The following KCNK12 variants were observed in gnomAD, a reference collection of about 807,000 sequenced individuals.
KCNK12 encodes potassium channel subfamily K member 12.
A neutral mutation model predicts 25.3 loss-of-function variants in KCNK12; 6 were observed. That is an observed-to-expected ratio of 0.24 (90% CI 0.13 to 0.47). KCNK12 has a LOEUF of 0.47. Among genes scored for constraint, KCNK12 ranks in the 20% least tolerant of loss-of-function variants. The pLI is 0.99. For synonymous variants in KCNK12, 331 were observed against 311.1 expected (o/e 1.06, Z -0.67); for missense variants, 444 against 661.7 (o/e 0.67, Z 3.61).
At chr2:47,550,475 C>G (rs1237242) in intron 1 of KCNK12, among the ~76,000 whole-genome samples, 1 of 148,522 alleles carries the variant, frequency 6.7e-6, no homozygotes, top group South Asian at 2.1e-4. Context: ...CTCTGCCTCC[C>G]GGGTTCAAGT....
chr2:47,545,653 A>C (rs2104829526), intron 1 of KCNK12, among the ~76,000 whole-genome samples: 1 of 152,318 alleles, frequency 6.6e-6, no homozygotes, highest in Non-Finnish European at 1.5e-5. Context: ...AAAGCCATTG[A>C]GCCTCTTTTT....
At chr2:47,564,970 T>G (rs1337455491) in intron 1 of KCNK12, 1 of 150,986 alleles carries the variant, frequency 6.6e-6, no homozygotes, top group East Asian at 1.9e-4. Flanking sequence ...GAGTTTGACA[T>G]CAGCCTGGGC....
Position 47,570,250 on chromosome 2 carries a change from GGCAGCA to G in KCNK12, c.76_81del (p.Cys26_Cys27del), listed in dbSNP as rs772763752. On this transcript the variant is annotated inframe_deletion, in exon 1 of 2. Transcript: ENST00000327876. The stretch of plus-strand genomic sequence containing the variant: ...GTGTCCTCGTTGAGGTGCGAACGGC[GGCAGCA>G]GCAGCAGCAGCAGGAGGGGCGCGGC... The G allele has an allele frequency of 1.8e-5, 26 of 1,447,240 alleles. No homozygotes were observed. Among genetic ancestry groups the G allele is most frequent in the South Asian group, 6.7e-5 (5 of 74,988 alleles). 89.6% of individuals were successfully genotyped at this position (1,447,240 alleles called of 1,614,324 possible). A position where few individuals can be genotyped will look rare whatever the true frequency, so the allele number is the denominator to read the frequency against.
intron 1 of KCNK12, among the ~76,000 whole-genome samples, chr2:47,534,193 G>A (rs749021190): frequency 2.0e-5 from 3 of 151,872 alleles, no homozygotes; most frequent in Admixed American, 6.6e-5. Context: ...TTTGTACCTC[G>A]GCACAGCCTT....
At position 47,525,121 on chromosome 2, in the gene KCNK12, G is replaced by A. The variant is rs1317450072; in HGVS notation, c.392-3313C>T. Among the ~76,000 whole-genome samples the A allele has an allele frequency of 6.6e-6, 1 of 152,222 alleles. No homozygotes were observed. The highest frequency in any genetic ancestry group is 1.5e-5 in the Non-Finnish European group (1 of 68,034). ...TGTGTACATTTCTCCCCATTCTAAA[G>A]AGAAGTTCCAGACACATCCATGCTG... On this transcript the variant is annotated intron_variant, in intron 1 of 1. Coordinates refer to ENST00000327876, the MANE Select transcript of KCNK12 (RefSeq NM_022055.2). This position sits in a 1 kb window ranked among gnomAD's most constrained non-coding sequence, Gnocchi z 4.1.
intron 1 of KCNK12, 127 bp from the exon 2 acceptor site, chr2:47,521,935 C>T: frequency 2.7e-6 from 2 of 739,396 alleles, no homozygotes; most frequent in East Asian, 3.0e-5. Flanking sequence ...TGGCACCACT[C>T]AGGTGGAGGA....
At position 47,562,963 on chromosome 2, in the gene KCNK12, G is replaced by A. The variant is rs1669712255; in HGVS notation, c.391+6978C>T. The A allele has an allele frequency of 8.6e-6, 2 of 233,578 alleles. No homozygotes were observed. Among genetic ancestry groups the A allele is most frequent in the East Asian group, 1.2e-4 (2 of 16,590 alleles). 14.5% of individuals were successfully genotyped at this position (233,578 alleles called of 1,614,324 possible). Reference sequence around the variant, plus strand: ...CGACCCCGGAAAGTCAGTGGAACTGGACGGAAAAAATGGAAGGGCCAGAAA... The same window carrying A: ...CGACCCCGGAAAGTCAGTGGAACTGAACGGAAAAAATGGAAGGGCCAGAAA... On this transcript the variant is annotated intron_variant, in intron 1 of 1. Transcript: ENST00000327876. The surrounding 1 kb of genome is among the most constrained non-coding windows in gnomAD (Gnocchi z 4.8).
chr2:47,542,283 C>T (rs1207271659), intron 1 of KCNK12, among the ~76,000 whole-genome samples: 3 of 152,306 alleles, frequency 2.0e-5, no homozygotes, highest in South Asian at 2.1e-4. Context: ...GATGCTCAGA[C>T]GCAGGGACCG....
intron 1 of KCNK12, among the ~76,000 whole-genome samples, chr2:47,546,641 A>G (rs1040042656): frequency 2.0e-5 from 3 of 152,212 alleles, no homozygotes; most frequent in Non-Finnish European, 4.4e-5. Context: ...TGGGTGACAG[A>G]GAGAGACTCT....
chr2:47,568,245 G>C (rs1055054607), intron 1 of KCNK12, among the ~76,000 whole-genome samples: 1 of 151,878 alleles, frequency 6.6e-6, no homozygotes, highest in Non-Finnish European at 1.5e-5. Flanking sequence ...AGTCAACAAT[G>C]AGCTATGGAT....
intron 1 of KCNK12, among the ~76,000 whole-genome samples, chr2:47,552,434 T>G (rs559496974): frequency 7.2e-5 from 11 of 152,032 alleles, no homozygotes; most frequent in Admixed American, 2.0e-4. Context: ...TTCCCCCCAT[T>G]ATGAGACATG....
chr2:47,554,262 C>T (rs951201502), intron 1 of KCNK12, among the ~76,000 whole-genome samples: 1 of 151,896 alleles, frequency 6.6e-6, no homozygotes, highest in Non-Finnish European at 1.5e-5. Flanking sequence ...CAAACAAACA[C>T]ATAAACACGT....
At chr2:47,563,924 G>A (rs558650081) in intron 1 of KCNK12, 93 of 232,072 alleles carry the variant, frequency 4.0e-4, no homozygotes, top group African/African-American at 1.8e-3. Flanking sequence ...CAGGAATAGC[G>A]GCAGACCATT....
rs1022886210 is a variant in KCNK12, at chr2:47,566,207, G to A, written c.391+3734C>T. 2.0e-5 allele frequency: 3 copies of A among 152,088 alleles called. No individual in the cohort carries two copies. The highest frequency in any genetic ancestry group is 4.8e-5 in the African/African-American group (2 of 41,388). 9.4% of individuals were successfully genotyped at this position (152,088 alleles called of 1,614,324 possible). ...TGTGTAGACACACGTGTATCTACAC[G>A]ATTGCAAACTGCCCAGCTGTGGATA... On this transcript the variant is annotated intron_variant, in intron 1 of 1. Transcript: ENST00000327876. This position sits in a 1 kb window ranked among gnomAD's most constrained non-coding sequence, Gnocchi z 4.1.
intron 1 of KCNK12, among the ~76,000 whole-genome samples, chr2:47,541,231 C>T (rs991226716): frequency 1.6e-4 from 25 of 152,160 alleles, no homozygotes; most frequent in Non-Finnish European, 3.2e-4. Context: ...CCACAGGAAG[C>T]CTGTTGGGAG....
At position 47,556,089 on chromosome 2, in the gene KCNK12, C is replaced by A; in HGVS notation, c.391+13852G>T. On this transcript the variant is annotated intron_variant, in intron 1 of 1. Transcript: ENST00000327876. This position sits in a 1 kb window ranked among gnomAD's most constrained non-coding sequence, Gnocchi z 4.8. Reference sequence around the variant, plus strand: ...GGTGAGGGAGAGGTTGACTACTCTTCTCAGAAGCTTTCCTGTAAAGGAGGG... The same window carrying A: ...GGTGAGGGAGAGGTTGACTACTCTTATCAGAAGCTTTCCTGTAAAGGAGGG... The A allele has an allele frequency of 6.6e-6, 1 of 152,358 alleles. No homozygotes were observed. Among genetic ancestry groups the A allele is most frequent in the Non-Finnish European group, 1.5e-5 (1 of 68,082 alleles). The allele number at this position is 152,358 out of a possible 1,614,324, so 9.4% of individuals were successfully genotyped here.
At position 47,520,851 on chromosome 2, in the gene KCNK12, C is replaced by T. The variant is rs1340897799; in HGVS notation, c.*56G>A. 2 of 1,170,656 alleles carry T rather than the reference C, an allele frequency of 1.7e-6. No homozygotes were observed. The highest frequency in any genetic ancestry group is 4.2e-5 in the Admixed American group (1 of 23,632). 72.5% of individuals were successfully genotyped at this position (1,170,656 alleles called of 1,614,324 possible). A position where few individuals can be genotyped will look rare whatever the true frequency, so the allele number is the denominator to read the frequency against. ...CCAGCAGTGACTGAGAGAAGCAAACCACGCCCGGCGGCCCCGCGGCCTGGA... is the reference window on the plus strand; with the variant it reads ...CCAGCAGTGACTGAGAGAAGCAAACTACGCCCGGCGGCCCCGCGGCCTGGA... On this transcript the variant is annotated 3_prime_UTR_variant, in exon 2 of 2. Coordinates refer to ENST00000327876, the MANE Select transcript of KCNK12 (RefSeq NM_022055.2). This position sits in a 1 kb window ranked among gnomAD's most constrained non-coding sequence, Gnocchi z 5.0.
Position 47,519,497 on chromosome 2 carries a change from CAG to C in KCNK12, c.*1408_*1409del, listed in dbSNP as rs970450757. ...CCTCATCATATATGAGAAAAATGGG[CAG>C]AGAGAGTGTTCGTTTACACCCCCAG... On this transcript the variant is annotated 3_prime_UTR_variant, in exon 2 of 2. Coordinates refer to ENST00000327876, the MANE Select transcript of KCNK12 (RefSeq NM_022055.2). 1 of 152,150 alleles carries C rather than the reference CAG, an allele frequency of 6.6e-6. No individual in the cohort carries two copies. The allele number at this position is 152,150 out of a possible 1,614,324, so 9.4% of individuals were successfully genotyped here.
rs944867493 is a variant in KCNK12, at chr2:47,516,777, G to A, written c.*4130C>T. The A allele has an allele frequency of 2.6e-5, 4 of 152,308 alleles. No homozygotes were observed. Among genetic ancestry groups the A allele is most frequent in the Non-Finnish European group, 4.4e-5 (3 of 68,122 alleles). The allele number at this position is 152,308 out of a possible 1,614,324, so 9.4% of individuals were successfully genotyped here. On this transcript the variant is annotated 3_prime_UTR_variant, in exon 2 of 2. Transcript: ENST00000327876. ...GAGCTTCCTTAGGGAAGAAGGGGAA[G>A]GGGAAGAGGGTTTGGGGCCAGGTCC...
Sources: gnomAD v4.1 joint callset for allele counts (sites outside exome capture counted in the v4.1 genomes callset) on GRCh38, gnomAD v4.1.1 for gene constraint, Gnocchi (gnomAD v3.1) non-coding constraint, MANE v1.5 for transcripts, NCBI Gene and HGNC (gene_info 2026-07-23, HGNC 2026-07-21) for gene names.